CRYL1: variants seen among roughly 807,000 people sequenced by gnomAD.
CRYL1 encodes the protein lambda-crystallin homolog.
In CRYL1, 29 loss-of-function variants were observed where a neutral mutation model predicts 36.6. The ratio of observed to expected loss-of-function variants is 0.79; its 90% CI spans 0.59 to 1.08. The LOEUF is 1.08. CRYL1 is among the 50% of genes least tolerant of loss of function. The probability of loss-of-function intolerance (pLI) is 0.00; values close to 1 mark genes in which losing one functional copy is unlikely to be tolerated. For synonymous variants in CRYL1, 152 were observed against 151.5 expected, an observed-to-expected ratio of 1.00 and a Z score of -0.02; for missense variants, 411 against 407.9, an observed-to-expected ratio of 1.01 and a Z score of -0.06.
intron 6 of CRYL1, among the ~76,000 whole-genome samples, chr13:20,410,694 T>C (rs2031497231): frequency 6.6e-6 from 1 of 152,228 alleles, no homozygotes; most frequent in Non-Finnish European, 1.5e-5. Context: ...TCTGTTTGAA[T>C]ATAACATATA....
chr13:20,431,153 A>AATT, intron 5 of CRYL1: 6 of 985,414 alleles, frequency 6.1e-6, no homozygotes, highest in Non-Finnish European at 7.2e-6. Flanking sequence ...CTGGTTTGGA[A>AATT]GAACTGCTGG....
chr13:20,419,485 T>C (rs137997363), intron 5 of CRYL1, among the ~76,000 whole-genome samples: 7,649 of 152,228 alleles, frequency 0.05, 245 homozygotes, highest in Non-Finnish European at 0.074. Flanking sequence ...AGAGACACAG[T>C]TTCTCCATGT....
chr13:20,433,164 C>A (rs1229294618), intron 4 of CRYL1, among the ~76,000 whole-genome samples: 1 of 152,178 alleles, frequency 6.6e-6, no homozygotes, highest in Non-Finnish European at 1.5e-5. Flanking sequence ...AGCCCCAGCA[C>A]CCCGACGAGC....
At chr13:20,449,212 A>G (rs988054275) in intron 3 of CRYL1, among the ~76,000 whole-genome samples, 5 of 152,330 alleles carry the variant, frequency 3.3e-5, no homozygotes, top group South Asian at 4.1e-4. Context: ...CCTGTTTTCA[A>G]TTGCTCTAAA....
intron 6 of CRYL1, among the ~76,000 whole-genome samples, chr13:20,410,744 T>C (rs1426106201): frequency 6.6e-6 from 1 of 152,216 alleles, no homozygotes; most frequent in African/African-American, 2.4e-5. Flanking sequence ...GCTAAGAGCT[T>C]CCATCTGGTT....
chr13:20,482,119 A>G (rs1211351544), intron 3 of CRYL1, among the ~76,000 whole-genome samples: 2 of 151,992 alleles, frequency 1.3e-5, no homozygotes, highest in Admixed American at 1.3e-4. Flanking sequence ...AAAACAAATA[A>G]ATTTCCAAAA....
rs2031324920 is a variant in CRYL1, at chr13:20,404,868, G to A, written c.740-127C>T. On this transcript the variant is annotated intron_variant, in intron 6 of 7. Coordinates refer to ENST00000298248, the MANE Select transcript of CRYL1 (RefSeq NM_015974.3). ...ATAAGCTACACTCTTCCCTCCCTGT[G>A]AAGACAAGACAGAGCTGGGGCATGT... The A allele has an allele frequency of 5.8e-6, 4 of 690,140 alleles. No homozygotes were observed. The East Asian group carries it at 1.0e-4, about 18-fold the overall frequency. The allele number at this position is 690,140 out of a possible 1,614,324, so 42.8% of individuals were successfully genotyped here.
At chr13:20,447,720 A>C (rs1323805338) in intron 3 of CRYL1, among the ~76,000 whole-genome samples, 1 of 152,224 alleles carries the variant, frequency 6.6e-6, no homozygotes, top group African/African-American at 2.4e-5. Flanking sequence ...CTTAAATACA[A>C]GGCATTACTA....
intron 2 of CRYL1, among the ~76,000 whole-genome samples, chr13:20,494,589 C>T (rs2033571591): frequency 6.6e-6 from 1 of 152,206 alleles, no homozygotes; most frequent in Admixed American, 6.5e-5. Context: ...GCTCAAAGCA[C>T]CTGCTCCAAG....
chr13:20,524,077 C>A (rs947737169), intron 1 of CRYL1, among the ~76,000 whole-genome samples: 6 of 151,996 alleles, frequency 3.9e-5, no homozygotes, highest in African/African-American at 1.4e-4. Context: ...ATGGTGAGAC[C>A]CCATCTCTAC....
At chr13:20,502,986 GCCGGAAGCACGCAGGATCATA>G (rs556443479) in intron 2 of CRYL1, among the ~76,000 whole-genome samples, 1,722 of 152,196 alleles carry the variant, frequency 0.011, 47 homozygotes, top group African/African-American at 0.04. Flanking sequence ...ACAGGATCAT[GCCGGAAGCACGCAGGATCATA>G]CCGGAAGCGC....
At chr13:20,518,167 C>A (rs779009190) in intron 1 of CRYL1, among the ~76,000 whole-genome samples, 1 of 151,820 alleles carries the variant, frequency 6.6e-6, no homozygotes, top group Non-Finnish European at 1.5e-5. Flanking sequence ...TGAGGAAATA[C>A]GTAAAGGGCA....
At chr13:20,478,571 G>T (rs1418572804) in intron 3 of CRYL1, among the ~76,000 whole-genome samples, 1 of 152,116 alleles carries the variant, frequency 6.6e-6, no homozygotes, top group African/African-American at 2.4e-5. Context: ...CACCTCCTGG[G>T]CTCAAGTGAT....
intron 4 of CRYL1, 79 bp downstream of exon 4, chr13:20,439,514 C>CAAAAAAAAAAAAAAG: frequency 3.0e-6 from 1 of 330,904 alleles, no homozygotes; most frequent in East Asian, 8.4e-5. Flanking sequence ...CCCTCCCCCG[C>CAAAAAAAAAAAAAAG]AAAAAAAAAA....
intron 2 of CRYL1, among the ~76,000 whole-genome samples, chr13:20,507,207 G>A (rs545368811): frequency 1.8e-4 from 27 of 152,226 alleles, no homozygotes; most frequent in Non-Finnish European, 3.4e-4. Flanking sequence ...GACTAATACC[G>A]GATGGTTTTT....
intron 1 of CRYL1, among the ~76,000 whole-genome samples, chr13:20,513,069 T>C (rs914098688): frequency 3.9e-5 from 6 of 152,226 alleles, no homozygotes; most frequent in Non-Finnish European, 5.9e-5. Context: ...TATGTAGGAA[T>C]ATTAGGTATG....
chr13:20,464,617 C>CA (rs1183977707), intron 3 of CRYL1, among the ~76,000 whole-genome samples: 1 of 152,152 alleles, frequency 6.6e-6, no homozygotes, highest in Non-Finnish European at 1.5e-5. Context: ...GTGTGATAAT[C>CA]AGACATTCAT....
intron 2 of CRYL1, among the ~76,000 whole-genome samples, chr13:20,508,858 AAAAAAAAAAAAAAAAAAC>A (rs1157947507): frequency 0.027 from 816 of 29,824 alleles, 59 homozygotes; most frequent in African/African-American, 0.049. Flanking sequence ...CAAAAAAAAA[AAAAAAAAAAAAAAAAAAC>A]AAAAAAAAAA....
chr13:20,525,086 G>C lies in CRYL1; in HGVS notation c.41+668C>G, dbSNP rs915270846. ...GGAAGCACACACTAAAAATCAGTTT[G>C]GGCAGAATTTAAGCTGTTAAATGGA... On this transcript the variant is annotated intron_variant, in intron 1 of 7. Coordinates refer to ENST00000298248, the MANE Select transcript of CRYL1 (RefSeq NM_015974.3). The surrounding 1 kb of genome is among the most constrained non-coding windows in gnomAD (Gnocchi z 4.3). 1.3e-5 allele frequency among the ~76,000 whole-genome samples: 2 copies of C among 152,102 alleles called. No homozygotes were observed. Among genetic ancestry groups the C allele is most frequent in the Non-Finnish European group, 2.9e-5 (2 of 68,010 alleles).
Sources: allele counts gnomAD v4.1 joint callset (sites outside exome capture counted in the v4.1 genomes callset), GRCh38; gene constraint gnomAD v4.1.1; non-coding constraint Gnocchi (gnomAD v3.1); transcripts MANE v1.5; gene names NCBI Gene and HGNC (gene_info 2026-07-23, HGNC 2026-07-21).